The following PHACTR1 variants were observed in gnomAD, a reference collection of about 807,000 sequenced individuals.
PHACTR1 encodes the protein RPEL repeat containing 1.
A neutral mutation model predicts 69.2 loss-of-function variants in PHACTR1; 16 were observed. That is an observed-to-expected ratio of 0.23 (90% CI 0.16 to 0.35). PHACTR1 has a LOEUF of 0.35. Among genes scored for constraint, PHACTR1 ranks in the 10% least tolerant of loss-of-function variants. The probability of loss-of-function intolerance (pLI) is 1.00; values close to 1 mark genes in which losing one functional copy is unlikely to be tolerated. For missense variants in PHACTR1, 510 were observed against 734.7 expected (o/e 0.69, Z 3.54); for synonymous variants, 312 against 284.5 (o/e 1.10, Z -0.97).
rs191856970 is a variant in PHACTR1, at chr6:12,999,530, C to T, written c.251-53835C>T. ...CAGAGAATTTTTTGAATCCAGGAGG[C>T]GGAGGTTGCAGAGAGCTGAGACGGC... On this transcript the variant is annotated intron_variant, in intron 4 of 14. Coordinates refer to ENST00000332995, the MANE Select transcript of PHACTR1 (RefSeq NM_030948.6). 7.4e-3 allele frequency among the ~76,000 whole-genome samples: 1,131 copies of T among 152,164 alleles called. 14 individuals are homozygous for T. Among genetic ancestry groups the T allele is most frequent in the African/African-American group, 0.025 (1,056 of 41,506 alleles).
intron 4 of PHACTR1, among the ~76,000 whole-genome samples, chr6:12,814,096 G>A (rs1775314906): frequency 6.6e-6 from 1 of 152,154 alleles, no homozygotes; most frequent in Admixed American, 6.5e-5. Flanking sequence ...TAGCTCCTGG[G>A]TGTCAGGTGG....
chr6:13,250,907 G>A (rs1208887138), intron 10 of PHACTR1, among the ~76,000 whole-genome samples: 1 of 152,200 alleles, frequency 6.6e-6, no homozygotes, highest in African/African-American at 2.4e-5. Context: ...GCAAAACCGT[G>A]GAATATGCTT....
chr6:13,011,236 C>A (rs998810949), intron 4 of PHACTR1, among the ~76,000 whole-genome samples: 1 of 152,196 alleles, frequency 6.6e-6, no homozygotes, highest in Non-Finnish European at 1.5e-5. Flanking sequence ...TAGCCACATG[C>A]GGCCACTGAG....
chr6:13,190,371 A>T (rs1763408059), intron 7 of PHACTR1, among the ~76,000 whole-genome samples: 1 of 151,584 alleles, frequency 6.6e-6, no homozygotes, highest in South Asian at 2.1e-4. Flanking sequence ...ATCTTATCAT[A>T]TTAGGGTTCC....
intron 4 of PHACTR1, among the ~76,000 whole-genome samples, chr6:12,864,886 G>A (rs577757191): frequency 1.7e-4 from 26 of 152,210 alleles, no homozygotes; most frequent in South Asian, 1.5e-3. Context: ...TATACAGCCC[G>A]GCATTTATAA....
chr6:13,075,501 G>C (rs1451308845), intron 5 of PHACTR1, among the ~76,000 whole-genome samples: 1 of 152,158 alleles, frequency 6.6e-6, no homozygotes, highest in Non-Finnish European at 1.5e-5. Flanking sequence ...CAGTCAGTGA[G>C]TAGTTGTATT....
At chr6:12,723,888 T>C (rs984246676) in intron 3 of PHACTR1, among the ~76,000 whole-genome samples, 6 of 152,204 alleles carry the variant, frequency 3.9e-5, no homozygotes, top group African/African-American at 1.4e-4. Context: ...GATTCAAATG[T>C]GGAGCCAGGG....
At chr6:12,792,254 C>T (rs1030222694) in intron 4 of PHACTR1, among the ~76,000 whole-genome samples, 13 of 151,706 alleles carry the variant, frequency 8.6e-5, no homozygotes, top group East Asian at 1.9e-4. Context: ...CACTTGAGGT[C>T]GGGAGTTCGA....
rs543942084 is a variant in PHACTR1 at position 13,052,932 on chromosome 6, G to A, written c.251-433G>A. ...GGAGACGTTGGCTTTGGAATAGACA[G>A]TTGATAAATGTTTTCTCCCTTCTTT... On this transcript the variant is annotated intron_variant, in intron 4 of 14. Coordinates refer to ENST00000332995, the MANE Select transcript of PHACTR1 (RefSeq NM_030948.6). 7.9e-5 allele frequency among the ~76,000 whole-genome samples: 12 copies of A among 152,352 alleles called. No homozygotes were observed. The South Asian group carries it at 2.5e-3, about 32-fold the overall frequency.
intron 4 of PHACTR1, among the ~76,000 whole-genome samples, chr6:12,844,402 C>A (rs1381317916): frequency 6.6e-6 from 1 of 151,670 alleles, no homozygotes; most frequent in Non-Finnish European, 1.5e-5. Flanking sequence ...ATCCCCCGCC[C>A]CCAAAAAAAC....
At chr6:13,171,901 G>T (rs893270467) in intron 6 of PHACTR1, among the ~76,000 whole-genome samples, 1 of 152,146 alleles carries the variant, frequency 6.6e-6, no homozygotes, top group Non-Finnish European at 1.5e-5. Flanking sequence ...AAGTAGCTGG[G>T]ATTACAGGCA....
intron 4 of PHACTR1, among the ~76,000 whole-genome samples, chr6:12,759,514 T>C (rs1040869639): frequency 4.6e-5 from 7 of 151,400 alleles, no homozygotes; most frequent in Non-Finnish European, 8.8e-5. Flanking sequence ...TGTCTAGACA[T>C]GAGTCAAGGT....
At chr6:12,843,851 T>G (rs983846426) in intron 4 of PHACTR1, among the ~76,000 whole-genome samples, 8 of 152,250 alleles carry the variant, frequency 5.3e-5, no homozygotes, top group African/African-American at 1.9e-4. Context: ...TCTGTATTAA[T>G]ATTTGTATAC....
intron 3 of PHACTR1, 58 bp from the exon 4 acceptor site, chr6:12,749,586 C>T (rs1766301068): frequency 3.1e-6 from 3 of 976,180 alleles, no homozygotes; most frequent in African/African-American, 3.7e-5. Context: ...GCCTCTTCCT[C>T]TCCCCTCCTC....
intron 5 of PHACTR1, among the ~76,000 whole-genome samples, chr6:13,073,899 G>A (rs546141965): frequency 6.6e-6 from 1 of 150,470 alleles, no homozygotes; most frequent in Admixed American, 6.6e-5. Flanking sequence ...CTGAGATGGA[G>A]TCTTGCCGTG....
chr6:13,131,173 G>GTA (rs1343073291), intron 5 of PHACTR1, among the ~76,000 whole-genome samples: 1 of 75,392 alleles, frequency 1.3e-5, no homozygotes, highest in Non-Finnish European at 2.8e-5. Context: ...ATATATGTGT[G>GTA]TATATACACA....
At chr6:13,027,609 A>C (rs1801880104) in intron 4 of PHACTR1, among the ~76,000 whole-genome samples, 1 of 152,170 alleles carries the variant, frequency 6.6e-6, no homozygotes, top group African/African-American at 2.4e-5. Context: ...GTTTTTGCCA[A>C]CTTCAATGAG....
intron 4 of PHACTR1, among the ~76,000 whole-genome samples, chr6:12,937,487 T>G (rs951134130): frequency 6.6e-6 from 1 of 152,130 alleles, no homozygotes; most frequent in Non-Finnish European, 1.5e-5. Context: ...ATTTTATATT[T>G]CAGTGAGCCA....
At chr6:12,962,166 G>C (rs1792833119) in intron 4 of PHACTR1, among the ~76,000 whole-genome samples, 4 of 152,052 alleles carry the variant, frequency 2.6e-5, no homozygotes, top group African/African-American at 9.7e-5. Context: ...ATACTCCTGG[G>C]CTCAAGTGAT....
Sources: allele counts gnomAD v4.1 joint callset (sites outside exome capture counted in the v4.1 genomes callset), GRCh38; gene constraint gnomAD v4.1.1; transcripts MANE v1.5; gene names NCBI Gene and HGNC (gene_info 2026-07-23, HGNC 2026-07-21).